ADD1: variants seen among roughly 807,000 people sequenced by gnomAD.
ADD1 encodes the protein adducin 1.
A neutral mutation model predicts 80.5 loss-of-function variants in ADD1; 24 were observed. The ratio of observed to expected loss-of-function variants is 0.30; its 90% CI spans 0.22 to 0.42. The LOEUF is 0.42. Ranked by LOEUF, ADD1 falls within the 10% of genes least tolerant of loss-of-function variation. ADD1 has a pLI of 1.00. For synonymous variants in ADD1, 373 were observed against 393.8 expected, an observed-to-expected ratio of 0.95 and a Z score of 0.63; for missense variants, 948 against 1,019.0, an observed-to-expected ratio of 0.93 and a Z score of 0.95.
At chr4:2,856,936 G>A (rs758441625) in intron 1 of ADD1, among the ~76,000 whole-genome samples, 1 of 149,328 alleles carries the variant, frequency 6.7e-6, no homozygotes, top group African/African-American at 2.5e-5. Flanking sequence ...TTTTTGAGAT[G>A]GAGTCTTGCT....
chr4:2,908,706 T>C (rs1237480891), intron 12 of ADD1, 102 bp downstream of exon 12: 2 of 979,200 alleles, frequency 2.0e-6, no homozygotes, highest in Non-Finnish European at 3.2e-6. Context: ...GAGGTAAGTA[T>C]TCTAGGCAAC....
intron 13 of ADD1, among the ~76,000 whole-genome samples, chr4:2,914,082 C>T (rs1738558498): frequency 6.7e-6 from 1 of 148,534 alleles, no homozygotes; most frequent in African/African-American, 2.5e-5. Flanking sequence ...AAGAAGTGAG[C>T]TCCAGGGAAT....
intron 1 of ADD1, among the ~76,000 whole-genome samples, chr4:2,845,166 A>G (rs1475799899): frequency 2.6e-5 from 4 of 151,996 alleles, no homozygotes; most frequent in Non-Finnish European, 4.4e-5. Context: ...TCCGCCTCCC[A>G]GGTTCAAGCA....
At chr4:2,895,129 G>A (rs541538362) in intron 6 of ADD1, among the ~76,000 whole-genome samples, 3 of 152,102 alleles carry the variant, frequency 2.0e-5, no homozygotes, top group South Asian at 2.1e-4. Flanking sequence ...AGTGTGGTGC[G>A]TGCCTGTACT....
At chr4:2,896,165 G>A (rs1453033935) in intron 6 of ADD1, among the ~76,000 whole-genome samples, 1 of 151,968 alleles carries the variant, frequency 6.6e-6, no homozygotes, top group Non-Finnish European at 1.5e-5. Flanking sequence ...GGGATTACAG[G>A]TGTGAGCCAC....
At chr4:2,874,463 C>T (rs1040440532) in intron 1 of ADD1, among the ~76,000 whole-genome samples, 7 of 151,742 alleles carry the variant, frequency 4.6e-5, no homozygotes, top group Non-Finnish European at 7.4e-5. Flanking sequence ...AAAAATTACC[C>T]GGGTGTGGTG....
At chr4:2,861,851 A>G (rs1433724262) in intron 1 of ADD1, among the ~76,000 whole-genome samples, 1 of 152,202 alleles carries the variant, frequency 6.6e-6, no homozygotes, top group Non-Finnish European at 1.5e-5. Context: ...AACTTGTCCA[A>G]CCTGTTGCCC....
intron 10 of ADD1, 77 bp downstream of exon 10, chr4:2,905,185 A>G (rs745641819): frequency 1.2e-5 from 17 of 1,421,784 alleles, no homozygotes; most frequent in Non-Finnish European, 1.5e-5. Flanking sequence ...GGCTTTGGGA[A>G]TCCAGCCTTT....
intron 1 of ADD1, among the ~76,000 whole-genome samples, chr4:2,857,787 A>C (rs531371680): frequency 5.9e-5 from 9 of 152,168 alleles, no homozygotes; most frequent in Admixed American, 1.3e-4. Flanking sequence ...TGTGTTTTCC[A>C]TGATACAGGG....
intron 13 of ADD1, among the ~76,000 whole-genome samples, chr4:2,914,015 C>A (rs1460148372): frequency 6.7e-6 from 1 of 149,094 alleles, no homozygotes; most frequent in Non-Finnish European, 1.5e-5. Flanking sequence ...GCCGAGATTG[C>A]GCCACTACAC....
At chr4:2,866,813 G>A (rs1729624943) in intron 1 of ADD1, among the ~76,000 whole-genome samples, 1 of 152,188 alleles carries the variant, frequency 6.6e-6, no homozygotes, top group Non-Finnish European at 1.5e-5. Context: ...CAGCACACCT[G>A]TAATCCCAAT....
chr4:2,926,588 A>C lies in ADD1; in HGVS notation c.2047+476A>C. 6.2e-7 allele frequency: 1 copy of C among 1,601,094 alleles called. No homozygotes were observed. The highest frequency in any genetic ancestry group is 1.1e-5 in the South Asian group (1 of 89,856). On this transcript the variant is annotated intron_variant, in intron 15 of 15. Transcript: ENST00000683351. This position sits in a 1 kb window ranked among gnomAD's most constrained non-coding sequence, Gnocchi z 5.0. ...TCTGTAACCTGATGGCTGTGACTGA[A>C]TGCATAGATTCTCTCCTTGTGCTTT... is the stretch of plus-strand genomic sequence containing the variant.
intron 10 of ADD1, chr4:2,905,638 G>A (rs1411648882): frequency 6.2e-6 from 1 of 160,930 alleles, no homozygotes; most frequent in South Asian, 1.7e-4. Flanking sequence ...CAAAGCCTCC[G>A]AATGCACACC....
At chr4:2,895,805 A>G (rs780815748) in intron 6 of ADD1, among the ~76,000 whole-genome samples, 46 of 152,298 alleles carry the variant, frequency 3.0e-4, no homozygotes, top group Admixed American at 7.8e-4. Flanking sequence ...GTACTTGAGA[A>G]GTATGCTTTT....
chr4:2,904,512 C>G (rs1157198058), intron 9 of ADD1, among the ~76,000 whole-genome samples: 3 of 152,198 alleles, frequency 2.0e-5, no homozygotes, highest in African/African-American at 7.2e-5. Context: ...GACTATCCAT[C>G]TCCTATATGG....
Position 2,875,694 on chromosome 4 carries a change from TGG to T in ADD1, c.-20-201_-20-200del, listed in dbSNP as rs1731167587. On this transcript the variant is annotated intron_variant, in intron 1 of 15. Transcript: ENST00000683351. ...CAATGGCTAGGACAAAACACAGCATTGGTTAGTGGGAGGGTGGGAGGTGGTTG... is the reference window on the plus strand; with the variant it reads ...CAATGGCTAGGACAAAACACAGCATTTTAGTGGGAGGGTGGGAGGTGGTTG... 3.9e-5 allele frequency among the ~76,000 whole-genome samples: 6 copies of T among 152,246 alleles called. No individual in the cohort carries two copies. In the South Asian group the frequency reaches 1.0e-3, roughly 26 times the overall value.
chr4:2,871,731 C>T (rs1730486636), intron 1 of ADD1, among the ~76,000 whole-genome samples: 1 of 152,194 alleles, frequency 6.6e-6, no homozygotes, highest in Admixed American at 6.5e-5. Flanking sequence ...CCCTTGCCCC[C>T]ATATAAGTTT....
chr4:2,903,633 C>G (rs1239747382), intron 9 of ADD1, among the ~76,000 whole-genome samples: 1 of 152,228 alleles, frequency 6.6e-6, no homozygotes, highest in African/African-American at 2.4e-5. Context: ...AGGTGCTAAA[C>G]TCTTCTGTGA....
chr4:2,899,578 G>T lies in ADD1; in HGVS notation c.1161+143G>T, dbSNP rs886725647. On this transcript the variant is annotated intron_variant, in intron 9 of 15. Transcript: ENST00000683351. ...AAAGTCATGAAGAAGCACTAGGGTT[G>T]TTTAACTTCTGAGGTAAATTACAAT... The T allele has an allele frequency of 7.9e-6, 7 of 881,320 alleles. No homozygotes were observed. In the Admixed American group the frequency reaches 1.0e-4, roughly 13 times the overall value. The allele number at this position is 881,320 out of a possible 1,614,324, so 54.6% of individuals were successfully genotyped here. A position where few individuals can be genotyped will look rare whatever the true frequency, so the allele number is the denominator to read the frequency against.
Sources: allele counts gnomAD v4.1 joint callset (sites outside exome capture counted in the v4.1 genomes callset), GRCh38; gene constraint gnomAD v4.1.1; non-coding constraint Gnocchi (gnomAD v3.1); transcripts MANE v1.5; gene names NCBI Gene and HGNC (gene_info 2026-07-23, HGNC 2026-07-21).